Variants in ZNF578 observed in about 807,000 individuals in gnomAD.
ZNF578 encodes the protein zinc finger protein 578.
ZNF578 carries 8 observed loss-of-function variants against 8.3 expected under a neutral mutation model. The ratio of observed to expected loss-of-function variants is 0.96; its 90% CI spans 0.56 to 1.74. The LOEUF is 1.74. Ranked by LOEUF, ZNF578 falls within the 40% of genes most tolerant of loss-of-function variation. The pLI is 0.00. For synonymous variants in ZNF578, 206 were observed against 232.2 expected, an observed-to-expected ratio of 0.89 and a Z score of 1.03; for missense variants, 726 against 707.5, an observed-to-expected ratio of 1.03 and a Z score of -0.30.
intron 5 of ZNF578, among the ~76,000 whole-genome samples, chr19:52,505,741 A>G (rs1270422226): frequency 6.6e-6 from 1 of 152,098 alleles, no homozygotes; most frequent in Non-Finnish European, 1.5e-5. Context: ...CATTTTTGAC[A>G]AGAAAACCTA....
At position 52,514,966 on chromosome 19, in the gene ZNF578, T is replaced by TC. The variant is rs1470657140; in HGVS notation, c.*2812_*2813insC. Among the ~76,000 whole-genome samples the TC allele has an allele frequency of 6.6e-6, 1 of 150,672 alleles. No homozygotes were observed. The highest frequency in any genetic ancestry group is 1.5e-5 in the Non-Finnish European group (1 of 67,650). On this transcript the variant is annotated 3_prime_UTR_variant, in exon 6 of 6. Coordinates refer to ENST00000421239, the MANE Select transcript of ZNF578 (RefSeq NM_001099694.2). ...ATGAGCTACCACGTCGAGACTCTTT[T>TC]TTTTTTTTTTTTTTAGATGGAGTTT... is the stretch of plus-strand genomic sequence containing the variant.
chr19:52,475,841 C>T (rs1276929731), intron 2 of ZNF578, among the ~76,000 whole-genome samples: 1 of 152,136 alleles, frequency 6.6e-6, no homozygotes, highest in Non-Finnish European at 1.5e-5. Context: ...TTAAAGCCTG[C>T]TTTGTTCCTC....
rs2059470237 is a variant in ZNF578, at chr19:52,515,458, C to A, written c.*3304C>A. Among the ~76,000 whole-genome samples the A allele has an allele frequency of 6.6e-6, 1 of 151,932 alleles. No homozygotes were observed. The highest frequency in any genetic ancestry group is 1.5e-5 in the Non-Finnish European group (1 of 67,996). On this transcript the variant is annotated 3_prime_UTR_variant, in exon 6 of 6. Coordinates refer to ENST00000421239, the MANE Select transcript of ZNF578 (RefSeq NM_001099694.2). Reference sequence around the variant, plus strand: ...ACCTTGCAAAAGAAGTTTCTTTAGCCCAGGTTTGTGAAAGAGGTTTCTCTA... The same window carrying A: ...ACCTTGCAAAAGAAGTTTCTTTAGCACAGGTTTGTGAAAGAGGTTTCTCTA...
intron 2 of ZNF578, among the ~76,000 whole-genome samples, chr19:52,477,089 G>T (rs1422912007): frequency 2.0e-5 from 3 of 152,184 alleles, no homozygotes; most frequent in Non-Finnish European, 2.9e-5. Context: ...CATAATTGGA[G>T]TCAACTACTC....
intron 2 of ZNF578, among the ~76,000 whole-genome samples, chr19:52,472,942 A>G (rs1473944363): frequency 6.6e-6 from 1 of 152,198 alleles, no homozygotes; most frequent in East Asian, 1.9e-4. Flanking sequence ...ATTTTGTTGT[A>G]TAATATTTCT....
chr19:52,510,301 G>T (rs35687753), intron 5 of ZNF578, among the ~76,000 whole-genome samples: 59 of 152,148 alleles, frequency 3.9e-4, no homozygotes, highest in African/African-American at 1.3e-3. Flanking sequence ...GGTCACAGTG[G>T]AAAAATACTC....
In ZNF578 at chr19:52,479,735, A is replaced by G. The variant is rs17780395; in HGVS notation, c.-121-11589A>G. On this transcript the variant is annotated intron_variant, in intron 2 of 5. Coordinates refer to ENST00000421239, the MANE Select transcript of ZNF578 (RefSeq NM_001099694.2). Reference sequence around the variant, plus strand: ...TATTTGAAGGGTTAGTTGGAATTCTAAAAGTAGGTAATGGCCAAATAGCAT... The same window carrying G: ...TATTTGAAGGGTTAGTTGGAATTCTGAAAGTAGGTAATGGCCAAATAGCAT... Among the ~76,000 whole-genome samples, 1,449 of 152,208 alleles carry G rather than the reference A, an allele frequency of 9.5e-3. 42 individuals are homozygous for G. The East Asian group carries it at 0.098, about 10-fold the overall frequency.
chr19:52,459,769 AT>A lies in ZNF578; in HGVS notation c.-122+2835del, dbSNP rs1164629700. On this transcript the variant is annotated intron_variant, in intron 2 of 5. Transcript: ENST00000421239. ...TGTGTGTGTATATATATATATATAT[AT>A]TTTTTTTTTTTTTTTTTTTTTTTGA... is the stretch of plus-strand genomic sequence containing the variant. Among the ~76,000 whole-genome samples the A allele has an allele frequency of 1.8e-3, 31 of 17,620 alleles. 4 individuals are homozygous for A. Among genetic ancestry groups the A allele is most frequent in the Admixed American group, 9.1e-3 (5 of 552 alleles). 11.6% of individuals were successfully genotyped at this position (17,620 alleles called of 152,430 possible).
intron 3 of ZNF578, among the ~76,000 whole-genome samples, chr19:52,496,989 G>A (rs2059389175): frequency 6.6e-6 from 1 of 152,112 alleles, no homozygotes; most frequent in Non-Finnish European, 1.5e-5. Flanking sequence ...CTGGAGTGCA[G>A]TGGCAGGATC....
rs947454325 is a variant in ZNF578, at chr19:52,516,868, C to A, written c.*4714C>A. 6.6e-6 allele frequency among the ~76,000 whole-genome samples: 1 copy of A among 152,202 alleles called. No homozygotes were observed. The highest frequency in any genetic ancestry group is 2.4e-5 in the African/African-American group (1 of 41,458). Reference sequence around the variant, plus strand: ...TGCACCCAGGTGAAATAAACAGCCTCGTTGCTCACACAAAGCCTGTTTAGT... The same window carrying A: ...TGCACCCAGGTGAAATAAACAGCCTAGTTGCTCACACAAAGCCTGTTTAGT... On this transcript the variant is annotated 3_prime_UTR_variant, in exon 6 of 6. Coordinates refer to ENST00000421239, the MANE Select transcript of ZNF578 (RefSeq NM_001099694.2).
chr19:52,503,336 C>A (rs1205715620), intron 4 of ZNF578, among the ~76,000 whole-genome samples: 4 of 152,066 alleles, frequency 2.6e-5, no homozygotes, highest in Non-Finnish European at 5.9e-5. Flanking sequence ...GGGAGACAGC[C>A]AGCCCGGCTG....
At chr19:52,486,619 G>C (rs1194721260) in intron 2 of ZNF578, among the ~76,000 whole-genome samples, 1 of 152,094 alleles carries the variant, frequency 6.6e-6, no homozygotes, top group Non-Finnish European at 1.5e-5. Flanking sequence ...TTTGGAGCCA[G>C]GGCAGACAGA....
At chr19:52,491,667 A>G (rs539906487) in intron 3 of ZNF578, among the ~76,000 whole-genome samples, 32 of 152,232 alleles carry the variant, frequency 2.1e-4, no homozygotes, top group African/African-American at 7.7e-4. Context: ...GTGAGCCACG[A>G]TCTCGCAACT....
intron 3 of ZNF578, among the ~76,000 whole-genome samples, chr19:52,492,190 A>AG (rs2059367781): frequency 1.5e-5 from 2 of 134,970 alleles, no homozygotes; most frequent in Non-Finnish European, 3.2e-5. Context: ...AAAAAAAAAA[A>AG]GGGAGGGAGA....
chr19:52,470,780 C>T (rs2059289491), intron 2 of ZNF578, among the ~76,000 whole-genome samples: 2 of 152,212 alleles, frequency 1.3e-5, no homozygotes, highest in Non-Finnish European at 2.9e-5. Context: ...CTGAGGCTTG[C>T]ACTAGTGGCT....
chr19:52,496,399 G>A (rs900640649), intron 3 of ZNF578, among the ~76,000 whole-genome samples: 5 of 148,400 alleles, frequency 3.4e-5, no homozygotes, highest in East Asian at 2.0e-4. Flanking sequence ...GCGCAATCTC[G>A]GCTCACTGCA....
chr19:52,486,432 T>C (rs941946361), intron 2 of ZNF578, among the ~76,000 whole-genome samples: 14 of 152,016 alleles, frequency 9.2e-5, no homozygotes, highest in African/African-American at 3.4e-4. Flanking sequence ...CTCTTTCTTT[T>C]GTCAAGAGAT....
At chr19:52,496,042 T>C (rs1194612954) in intron 3 of ZNF578, among the ~76,000 whole-genome samples, 2 of 152,152 alleles carry the variant, frequency 1.3e-5, no homozygotes, top group Non-Finnish European at 2.9e-5. Context: ...CTTTTTGAGA[T>C]GGAGTCTCTC....
At chr19:52,475,579 G>A (rs990675582) in intron 2 of ZNF578, among the ~76,000 whole-genome samples, 4 of 152,018 alleles carry the variant, frequency 2.6e-5, no homozygotes, top group Admixed American at 6.6e-5. Flanking sequence ...GGCTGGTCTC[G>A]AACCTCTGAT....
Sources: allele counts gnomAD v4.1 joint callset (sites outside exome capture counted in the v4.1 genomes callset), GRCh38; gene constraint gnomAD v4.1.1; transcripts MANE v1.5; gene names NCBI Gene and HGNC (gene_info 2026-07-23, HGNC 2026-07-21).